The following ANKRD54 variants were observed in gnomAD, a reference collection of about 807,000 sequenced individuals.
The protein encoded by ANKRD54 is ankyrin repeat domain 54, also known as ankyrin repeat domain-containing protein 54.
ANKRD54 carries 26 observed loss-of-function variants against 36.2 expected under a neutral mutation model. That is an observed-to-expected ratio of 0.72 (90% CI 0.53 to 1.00). ANKRD54 has a LOEUF of 1.00. Among genes scored for constraint, ANKRD54 ranks in the 50% least tolerant of loss-of-function variants. The pLI, the probability that ANKRD54 is intolerant of heterozygous loss-of-function variation, is 0.00. For missense variants in ANKRD54, 384 were observed against 424.3 expected, an observed-to-expected ratio of 0.91 and a Z score of 0.83; for synonymous variants, 209 against 188.4, an observed-to-expected ratio of 1.11 and a Z score of -0.89.
chr22:37,839,492 A>C (rs2145977044), intron 2 of ANKRD54, among the ~76,000 whole-genome samples: 1 of 152,218 alleles, frequency 6.6e-6, no homozygotes, highest in East Asian at 1.9e-4. Flanking sequence ...GGTTCACACC[A>C]TTCTCCTGCC....
intron 1 of ANKRD54, among the ~76,000 whole-genome samples, chr22:37,841,888 T>TA (rs890722493): frequency 0.03 from 569 of 18,826 alleles, 11 homozygotes; most frequent in African/African-American, 0.21. Context: ...AATAAATAAA[T>TA]AAATAAATAA....
upstream of ANKRD54, among the ~76,000 whole-genome samples, chr22:37,846,160 G>A (rs1023220977): frequency 6.6e-6 from 1 of 151,772 alleles, no homozygotes; most frequent in African/African-American, 2.4e-5. Context: ...GGGCGACAGA[G>A]AAAGACTCCA....
At chr22:37,843,887 C>CCCCGCGCCG (rs1213425422) in intron 1 of ANKRD54, 24 bp downstream of exon 1, 6 of 1,210,618 alleles carry the variant, frequency 5.0e-6, no homozygotes, top group Non-Finnish European at 6.1e-6. Flanking sequence ...CGCCCCGGGC[C>CCCCGCGCCG]CCCGCGCCGC....
rs371153639 is a variant in ANKRD54 at position 37,831,581 on chromosome 22, G to A, written c.*362C>T. The A allele has an allele frequency of 6.4e-5, 16 of 249,352 alleles. No individual in the cohort carries two copies. Among genetic ancestry groups the A allele is most frequent in the Non-Finnish European group, 8.0e-5 (10 of 125,490 alleles). The allele number at this position is 249,352 out of a possible 1,614,324, so 15.4% of individuals were successfully genotyped here. On this transcript the variant is annotated 3_prime_UTR_variant, in exon 8 of 8. Coordinates refer to ENST00000215941, the MANE Select transcript of ANKRD54 (RefSeq NM_138797.4). ...ACTGCAACAAGCCCATGGCCAGGAC[G>A]GAACACAGAGAAGGGTCTGAGGCCT... is the stretch of plus-strand genomic sequence containing the variant.
At chr22:37,832,538 G>C (rs1601716173) in intron 7 of ANKRD54, 99 bp downstream of exon 7, 2 of 1,153,280 alleles carry the variant, frequency 1.7e-6, no homozygotes, top group Non-Finnish European at 1.3e-6. Context: ...CCAGCCCACA[G>C]CCTCTTTCTG....
rs535646851 is a variant in ANKRD54, at chr22:37,838,915, G to A, written c.377-317C>T. On this transcript the variant is annotated intron_variant, in intron 2 of 7. Coordinates refer to ENST00000215941, the MANE Select transcript of ANKRD54 (RefSeq NM_138797.4). ...TAGCATAGACAGTGGTCCCCCTCCC[G>A]TGACCTCGGCTTGGATACACATCCA... is the stretch of plus-strand genomic sequence containing the variant. Among the ~76,000 whole-genome samples the A allele has an allele frequency of 5.3e-5, 8 of 152,226 alleles. No homozygotes were observed. In the East Asian group the frequency reaches 5.8e-4, roughly 11 times the overall value.
Position 37,844,211 on chromosome 22 carries a change from C to A in ANKRD54, c.28G>T (p.Asp10Tyr), listed in dbSNP as rs1446211716. The change falls in exon 1 of 8, where the codon GAC (aspartate) becomes TAC (tyrosine). Residue 10 changes from aspartate to tyrosine, a missense_variant. By Grantham distance (160) the Asp-to-Tyr change is radical (BLOSUM62 -3). Transcript: ENST00000215941. ...CTCGAGTGGCCTGAGCGCGGCTCGT[C>A]GTCCGCGTCCCCGGCGGCGGCTGCC... MAAAAGDAD[D>Y]EPRSGHSSSE... The A allele has an allele frequency of 6.6e-7, 1 of 1,524,850 alleles. No homozygotes were observed. The highest frequency in any genetic ancestry group is 2.7e-5 in the East Asian group (1 of 37,344). The allele number at this position is 1,524,850 out of a possible 1,614,324, so 94.5% of individuals were successfully genotyped here. A position where few individuals can be genotyped will look rare whatever the true frequency, so the allele number is the denominator to read the frequency against.
rs2145952334 is a variant in ANKRD54, at chr22:37,831,703, C to T, written c.*240G>A. The T allele has an allele frequency of 7.1e-6, 4 of 561,210 alleles. No homozygotes were observed. The highest frequency in any genetic ancestry group is 2.9e-5 in the East Asian group (1 of 34,348). The allele number at this position is 561,210 out of a possible 1,614,324, so 34.8% of individuals were successfully genotyped here. A position where few individuals can be genotyped will look rare whatever the true frequency, so the allele number is the denominator to read the frequency against. On this transcript the variant is annotated 3_prime_UTR_variant, in exon 8 of 8. Transcript: ENST00000215941. ...AGCTGCAGAGGCTGGTCTGGTGCTG[C>T]GAGAACTGGAAGAAGCTGGGAGCTG...
chr22:37,832,797 C>G (rs992467384), intron 6 of ANKRD54, 53 bp from the exon 7 acceptor site: 2 of 1,606,772 alleles, frequency 1.2e-6, no homozygotes, highest in African/African-American at 2.7e-5. Context: ...GGCAGACAGG[C>G]TGATGCTGCT....
At chr22:37,833,328 G>A (rs62235072) in intron 4 of ANKRD54, 122 bp from the exon 5 acceptor site, 10 of 1,242,228 alleles carry the variant, frequency 8.1e-6, no homozygotes, top group East Asian at 7.4e-5. Context: ...TACTGAGAAG[G>A]TATCGCCAAG....
At chr22:37,844,480 T>C (rs552346358), upstream of ANKRD54, 2 of 429,108 alleles carry the variant, frequency 4.7e-6, no homozygotes, top group Admixed American at 8.9e-5. Context: ...GCAGGATAAT[T>C]GGACAGGGTT....
intron 3 of ANKRD54, among the ~76,000 whole-genome samples, chr22:37,836,093 C>T (rs555873655): frequency 6.7e-4 from 101 of 151,236 alleles, no homozygotes; most frequent in Middle Eastern, 3.4e-3. Flanking sequence ...CTCGGCCTCC[C>T]AAAGTGCTGG....
upstream of ANKRD54, chr22:37,847,790 T>G (rs775693762): frequency 2.3e-6 from 1 of 436,986 alleles, no homozygotes; most frequent in Non-Finnish European, 4.7e-6. Flanking sequence ...TAAGCTCCAT[T>G]ATTTCCAAAT....
chr22:37,833,162 C>T lies in ANKRD54; in HGVS notation c.592G>A (p.Gly198Arg), dbSNP rs746685471. ...HVPVITTLLR[G>R]GARVDALDRA... Reference sequence around the variant, plus strand: ...GAGAGGGGAAGAAACCACATACCTCCTCGTAGCAGTGTGGTGATGACAGGA... The same window carrying T: ...GAGAGGGGAAGAAACCACATACCTCTTCGTAGCAGTGTGGTGATGACAGGA... Residue 198 changes from glycine to arginine, a missense_variant, in exon 5 of 8, where the codon GGA becomes AGA. Gly to Arg is a moderately radical substitution (Grantham distance 125). Transcript: ENST00000215941. The T allele has an allele frequency of 1.2e-6, 2 of 1,613,868 alleles. No individual in the cohort carries two copies. The highest frequency in any genetic ancestry group is 1.1e-5 in the South Asian group (1 of 91,056).
chr22:37,840,841 C>T (rs180999670), intron 1 of ANKRD54, among the ~76,000 whole-genome samples: 23 of 151,912 alleles, frequency 1.5e-4, no homozygotes, highest in Middle Eastern at 6.8e-3. Context: ...AAGCCAAAAT[C>T]GCGCCACTGC....
upstream of ANKRD54, among the ~76,000 whole-genome samples, chr22:37,847,120 T>C (rs938472170): frequency 6.6e-6 from 1 of 151,898 alleles, no homozygotes; most frequent in Non-Finnish European, 1.5e-5. Flanking sequence ...CCCAAAGTGC[T>C]GGGATTACAG....
At chr22:37,848,418 C>G (rs1050721614), upstream of ANKRD54, 1 of 149,512 alleles carries the variant, frequency 6.7e-6, no homozygotes, top group Non-Finnish European at 1.5e-5. Context: ...TTTTTTTAGA[C>G]GGAGTCTTGC....
chr22:37,845,890 A>T (rs192298673), upstream of ANKRD54, among the ~76,000 whole-genome samples: 55 of 149,662 alleles, frequency 3.7e-4, no homozygotes, highest in Admixed American at 6.7e-4. Context: ...AAAACAAAAA[A>T]AAGGCCTGGC....
chr22:37,835,233 G>C (rs563604173), intron 3 of ANKRD54, among the ~76,000 whole-genome samples: 4 of 151,900 alleles, frequency 2.6e-5, no homozygotes, highest in African/African-American at 7.3e-5. Context: ...GTGGTGACAC[G>C]CATCTGTAAT....
Sources: gnomAD v4.1 joint callset for allele counts (sites outside exome capture counted in the v4.1 genomes callset) on GRCh38, gnomAD v4.1.1 for gene constraint, MANE v1.5 for transcripts, NCBI Gene and HGNC (gene_info 2026-07-23, HGNC 2026-07-21) for gene names.